The following DTNB variants were observed in gnomAD, a reference collection of about 807,000 sequenced individuals.
The protein encoded by DTNB is DTN-B.
Under a neutral mutation model 90.7 loss-of-function variants are expected in DTNB, and 63 were observed. The observed-to-expected ratio is 0.69, with a 90% confidence interval of 0.57 to 0.86. The LOEUF (loss-of-function observed/expected upper bound fraction) is 0.86. DTNB is among the 40% of genes least tolerant of loss of function. The probability of loss-of-function intolerance (pLI) is 0.00; values close to 1 mark genes in which losing one functional copy is unlikely to be tolerated. For missense variants in DTNB, 744 were observed against 807.1 expected, an observed-to-expected ratio of 0.92 and a Z score of 0.95; for synonymous variants, 277 against 286.7, an observed-to-expected ratio of 0.97 and a Z score of 0.34.
chr2:25,411,670 G>C (rs1164623634), intron 16 of DTNB, among the ~76,000 whole-genome samples: 4 of 152,172 alleles, frequency 2.6e-5, no homozygotes. Flanking sequence ...GGGCCGCAGT[G>C]GTGCCTGAGG....
At chr2:25,483,497 T>G (rs922956200) in intron 9 of DTNB, among the ~76,000 whole-genome samples, 1 of 152,174 alleles carries the variant, frequency 6.6e-6, no homozygotes, top group Non-Finnish European at 1.5e-5. Flanking sequence ...GAACAACAAA[T>G]CCAAATTTTA....
intron 1 of DTNB, among the ~76,000 whole-genome samples, chr2:25,654,523 G>A (rs958634374): frequency 5.9e-5 from 9 of 152,124 alleles, no homozygotes; most frequent in Admixed American, 2.0e-4. Flanking sequence ...TTTTAAAAAC[G>A]GTAAACATTC....
rs749275596 is a variant in DTNB, at chr2:25,596,183, T to A, written c.506A>T (p.Gln169Leu). 1.2e-6 allele frequency: 2 copies of A among 1,613,580 alleles called. No homozygotes were observed. Among genetic ancestry groups the A allele is most frequent in the South Asian group, 2.2e-5 (2 of 91,040 alleles). ...NGLMIFSKFD[Q>L]FLKEVLKLPT... Reference sequence around the variant, plus strand: ...GAGCTTCAGAACTTCCTTCAGAAACTGGTCAAACTTGCTAAATATCATTAA... The same window carrying A: ...GAGCTTCAGAACTTCCTTCAGAAACAGGTCAAACTTGCTAAATATCATTAA... Residue 169 changes from glutamine (Q) to leucine (L), a missense_variant, in exon 6 of 21, where the codon CAG becomes CTG. Physicochemically the swap from Gln to Leu is moderately radical, Grantham distance 113 (BLOSUM62 -2). Transcript: ENST00000406818.
intron 16 of DTNB, among the ~76,000 whole-genome samples, chr2:25,406,535 CA>C (rs1203061611): frequency 0.023 from 2,294 of 98,888 alleles, 52 homozygotes; most frequent in African/African-American, 0.073. Context: ...AACTCCGTCT[CA>C]AAAAAAAAAA....
chr2:25,447,124 C>A (rs552567559), intron 12 of DTNB, among the ~76,000 whole-genome samples: 1 of 152,232 alleles, frequency 6.6e-6, no homozygotes, highest in East Asian at 1.9e-4. Flanking sequence ...TTAATTCCTT[C>A]TTTTAGGTCT....
intron 1 of DTNB, among the ~76,000 whole-genome samples, chr2:25,661,610 T>C (rs1228057524): frequency 2.6e-5 from 4 of 152,246 alleles, no homozygotes; most frequent in Admixed American, 2.6e-4. Context: ...AGAATTCTAT[T>C]TCTTCACCTG....
chr2:25,419,375 G>A, intron 16 of DTNB, 140 bp downstream of exon 16: 1 of 1,326,360 alleles, frequency 7.5e-7, no homozygotes, highest in East Asian at 2.5e-5. Context: ...ACAACACCAT[G>A]GGGAGAACCG....
intron 16 of DTNB, among the ~76,000 whole-genome samples, chr2:25,399,969 G>T (rs2149636007): frequency 6.6e-6 from 1 of 152,298 alleles, no homozygotes; most frequent in African/African-American, 2.4e-5. Flanking sequence ...GGTCCCAGCA[G>T]CATCTCGGTC....
intron 9 of DTNB, among the ~76,000 whole-genome samples, chr2:25,522,169 T>C (rs774792744): frequency 1.3e-4 from 20 of 152,218 alleles, no homozygotes; most frequent in Non-Finnish European, 2.2e-4. Flanking sequence ...GTAAGAGAAG[T>C]TGCTAGAGTG....
At chr2:25,462,561 A>T (rs2061134623) in intron 10 of DTNB, among the ~76,000 whole-genome samples, 1 of 152,166 alleles carries the variant, frequency 6.6e-6, no homozygotes, top group South Asian at 2.1e-4. Context: ...ACCTCATAAG[A>T]TATTTATTTT....
In DTNB at chr2:25,514,734, G is replaced by A. The variant is rs527275798; in HGVS notation, c.1001+16739C>T. The stretch of plus-strand genomic sequence containing the variant: ...GACAGAGTCTTGCTCTGTCACCCAC[G>A]CTGGAGTGCAGTGGCTCTCGGCTAC... On this transcript the variant is annotated intron_variant, in intron 9 of 20. Transcript: ENST00000406818. Among the ~76,000 whole-genome samples, 5 of 119,182 alleles carry A rather than the reference G, an allele frequency of 4.2e-5. No homozygotes were observed. The East Asian group carries it at 7.9e-4, about 19-fold the overall frequency. 78.2% of individuals were successfully genotyped at this position (119,182 alleles called of 152,430 possible).
chr2:25,657,706 G>C (rs1314062657), intron 1 of DTNB, among the ~76,000 whole-genome samples: 1 of 152,090 alleles, frequency 6.6e-6, no homozygotes, highest in African/African-American at 2.4e-5. Context: ...GGGTGACGGA[G>C]CAAAACCCTG....
chr2:25,414,878 C>T (rs535828742), intron 16 of DTNB, among the ~76,000 whole-genome samples: 2 of 152,198 alleles, frequency 1.3e-5, no homozygotes, highest in South Asian at 4.2e-4. Flanking sequence ...TCAACTGATG[C>T]GACCTAATTC....
chr2:25,440,650 G>T (rs1461477441), intron 12 of DTNB, among the ~76,000 whole-genome samples: 1 of 151,800 alleles, frequency 6.6e-6, no homozygotes, highest in Non-Finnish European at 1.5e-5. Context: ...CATTTTTGTG[G>T]TTCCCTATTT....
chr2:25,586,740 G>A (rs545693697), intron 6 of DTNB, among the ~76,000 whole-genome samples: 2 of 152,200 alleles, frequency 1.3e-5, no homozygotes, highest in East Asian at 1.9e-4. Flanking sequence ...TTTTTGCTAG[G>A]ATGTGGAATC....
intron 4 of DTNB, among the ~76,000 whole-genome samples, chr2:25,610,704 T>C (rs1275696460): frequency 7.2e-6 from 1 of 139,344 alleles, no homozygotes; most frequent in African/African-American, 2.7e-5. Flanking sequence ...CCCACCGTGG[T>C]AACTTCTATC....
At chr2:25,594,230 G>C (rs1445349396) in intron 6 of DTNB, among the ~76,000 whole-genome samples, 1 of 152,174 alleles carries the variant, frequency 6.6e-6, no homozygotes, top group Non-Finnish European at 1.5e-5. Context: ...GGGAAAATGT[G>C]AACTATGTTT....
chr2:25,447,499 C>CT (rs34508984), intron 12 of DTNB, among the ~76,000 whole-genome samples: 24,668 of 115,972 alleles, frequency 0.21, 3,287 homozygotes, highest in Middle Eastern at 0.32. Flanking sequence ...AGCTAGTTAT[C>CT]TTTTTTTTTT....
At chr2:25,571,862 G>GAT (rs61009849) in intron 8 of DTNB, among the ~76,000 whole-genome samples, 74 of 150,792 alleles carry the variant, frequency 4.9e-4, no homozygotes, top group East Asian at 2.5e-3. Context: ...GCTGAGAAGC[G>GAT]ATATATATAT....
Sources: allele counts gnomAD v4.1 joint callset (sites outside exome capture counted in the v4.1 genomes callset), GRCh38; gene constraint gnomAD v4.1.1; transcripts MANE v1.5; gene names NCBI Gene and HGNC (gene_info 2026-07-23, HGNC 2026-07-21).